BCAR3: variants seen among roughly 807,000 people sequenced by gnomAD.
The protein encoded by BCAR3 is BCAR3 adaptor protein, NSP family member.
A neutral mutation model predicts 80.1 loss-of-function variants in BCAR3; 37 were observed. That is an observed-to-expected ratio of 0.46 (90% CI 0.36 to 0.61). The LOEUF (loss-of-function observed/expected upper bound fraction) is 0.61, where lower values mean the gene tolerates loss of function less well. Ranked by LOEUF, BCAR3 falls within the 20% of genes least tolerant of loss-of-function variation. The pLI, the probability that BCAR3 is intolerant of heterozygous loss-of-function variation, is 0.00. For synonymous variants in BCAR3, 389 were observed against 418.9 expected (o/e 0.93, Z 0.87); for missense variants, 978 against 1,068.2 (o/e 0.92, Z 1.18).
chr1:93,776,553 T>C (rs1487040922), intron 2 of BCAR3, among the ~76,000 whole-genome samples: 1 of 152,230 alleles, frequency 6.6e-6, no homozygotes, highest in Non-Finnish European at 1.5e-5. Flanking sequence ...GTTACGTCTA[T>C]TATGTCCATT....
chr1:93,582,044 C>T (rs1465298757), intron 7 of BCAR3, among the ~76,000 whole-genome samples: 1 of 152,218 alleles, frequency 6.6e-6, no homozygotes, highest in Non-Finnish European at 1.5e-5. Flanking sequence ...CCTGCCATCC[C>T]TCTGTCTGAG....
intron 2 of BCAR3, among the ~76,000 whole-genome samples, chr1:93,715,832 G>A (rs1214091368): frequency 6.6e-6 from 1 of 152,200 alleles, no homozygotes; most frequent in African/African-American, 2.4e-5. Flanking sequence ...GATAAAAGCT[G>A]TAGGCTTGGC....
At chr1:93,700,415 C>T (rs935500222) in intron 3 of BCAR3, among the ~76,000 whole-genome samples, 9 of 152,264 alleles carry the variant, frequency 5.9e-5, no homozygotes, top group African/African-American at 1.4e-4. Context: ...GATCTGCCTG[C>T]CTCAGCCTTT....
At position 93,712,561 on chromosome 1, in the gene BCAR3, A is replaced by T. The variant is rs114938908; in HGVS notation, c.-62-6419T>A. On this transcript the variant is annotated intron_variant, in intron 2 of 13. Transcript: ENST00000370244. ...AGGTCCATGTAAACATACTCTTGACATTTCTTCTTTCCAGGTCAGCTGTCT... is the reference window on the plus strand; with the variant it reads ...AGGTCCATGTAAACATACTCTTGACTTTTCTTCTTTCCAGGTCAGCTGTCT... 2.3e-3 allele frequency among the ~76,000 whole-genome samples: 347 copies of T among 152,198 alleles called. 1 individual carries two copies. Among genetic ancestry groups the T allele is most frequent in the African/African-American group, 8.1e-3 (337 of 41,508 alleles).
chr1:93,648,066 G>A (rs772532292), intron 2 of BCAR3, among the ~76,000 whole-genome samples: 25 of 152,082 alleles, frequency 1.6e-4, no homozygotes, highest in Non-Finnish European at 3.1e-4. Flanking sequence ...GAGCCACCGC[G>A]CCTGGGTCCA....
At chr1:93,846,698 C>T (rs1380507185) in intron 1 of BCAR3, 10 of 343,936 alleles carry the variant, frequency 2.9e-5, no homozygotes, top group Non-Finnish European at 5.1e-5. Context: ...AGCGCTCCCA[C>T]GCGTGCTGAC....
At chr1:93,573,638 T>A (rs77864444) in intron 8 of BCAR3, among the ~76,000 whole-genome samples, 1 of 146,564 alleles carries the variant, frequency 6.8e-6, no homozygotes, top group African/African-American at 2.5e-5. Flanking sequence ...TTATTATTTT[T>A]TTTTTTTTGA....
chr1:93,635,347 C>T (rs1282851714), intron 3 of BCAR3, among the ~76,000 whole-genome samples: 2 of 150,998 alleles, frequency 1.3e-5, no homozygotes, highest in Admixed American at 6.6e-5. Context: ...TTGTCAATTA[C>T]GAATAATGTC....
intron 2 of BCAR3, among the ~76,000 whole-genome samples, chr1:93,797,781 C>T (rs1653334457): frequency 6.6e-6 from 1 of 152,116 alleles, no homozygotes; most frequent in Admixed American, 6.5e-5. Flanking sequence ...AAATGAGTTC[C>T]CTATTTCTAT....
chr1:93,598,204 A>T (rs78925475), intron 3 of BCAR3, among the ~76,000 whole-genome samples: 213 of 152,314 alleles, frequency 1.4e-3, no homozygotes, highest in African/African-American at 5.0e-3. Flanking sequence ...CAAATCAGGC[A>T]CAACAATGGA....
At chr1:93,763,798 G>T (rs1008926762) in intron 2 of BCAR3, among the ~76,000 whole-genome samples, 1 of 152,156 alleles carries the variant, frequency 6.6e-6, no homozygotes, top group Non-Finnish European at 1.5e-5. Context: ...TGCAGCATTT[G>T]CCAACCTCCA....
intron 2 of BCAR3, among the ~76,000 whole-genome samples, chr1:93,747,949 A>G (rs988119080): frequency 6.8e-6 from 1 of 147,704 alleles, no homozygotes; most frequent in Non-Finnish European, 1.5e-5. Context: ...ATGACCCATC[A>G]AGTGCCTCTG....
chr1:93,736,256 C>T (rs1243314933), intron 2 of BCAR3, among the ~76,000 whole-genome samples: 3 of 152,166 alleles, frequency 2.0e-5, no homozygotes, highest in African/African-American at 4.8e-5. Flanking sequence ...GGCGCGATCT[C>T]GGCTTACTGC....
intron 3 of BCAR3, among the ~76,000 whole-genome samples, chr1:93,701,243 C>G (rs1649628660): frequency 6.6e-6 from 1 of 152,206 alleles, no homozygotes; most frequent in South Asian, 2.1e-4. Context: ...TCCCCACTTG[C>G]CTTGAAGGGA....
At chr1:93,632,373 C>T (rs541429339) in intron 3 of BCAR3, among the ~76,000 whole-genome samples, 4 of 152,296 alleles carry the variant, frequency 2.6e-5, no homozygotes, top group Admixed American at 6.5e-5. Context: ...TTCAACTTTA[C>T]GACGGTGCTG....
chr1:93,805,834 C>T (rs1653636565), intron 2 of BCAR3, among the ~76,000 whole-genome samples: 1 of 151,916 alleles, frequency 6.6e-6, no homozygotes, highest in Non-Finnish European at 1.5e-5. Context: ...AACAAATGAA[C>T]AAAAACTTCT....
At position 93,814,883 on chromosome 1, in the gene BCAR3, G is replaced by A. The variant is rs77488943; in HGVS notation, c.-63+30684C>T. Among the ~76,000 whole-genome samples the A allele has an allele frequency of 8.4e-3, 1,279 of 152,344 alleles. 9 individuals carry two copies. Among genetic ancestry groups the A allele is most frequent in the Non-Finnish European group, 0.013 (910 of 68,034 alleles). ...CAGGGATTCTGTCTTAAAAGACGGA[G>A]TGCAAACTCCGCTCCTACCTAGACT... On this transcript the variant is annotated intron_variant, in intron 2 of 13. Transcript: ENST00000370244.
At chr1:93,576,886 G>GGCT (rs1226224861) in intron 7 of BCAR3, among the ~76,000 whole-genome samples, 2 of 152,226 alleles carry the variant, frequency 1.3e-5, no homozygotes, top group Non-Finnish European at 2.9e-5. Flanking sequence ...CAGGCAAGGT[G>GGCT]GCTTATGCCT....
At chr1:93,588,634 C>T (rs543165208) in intron 5 of BCAR3, among the ~76,000 whole-genome samples, 117 of 152,240 alleles carry the variant, frequency 7.7e-4, no homozygotes, top group African/African-American at 2.6e-3. Flanking sequence ...TTTCTGTCCC[C>T]ACACTTATGC....
Sources: allele counts gnomAD v4.1 joint callset (sites outside exome capture counted in the v4.1 genomes callset), GRCh38; gene constraint gnomAD v4.1.1; transcripts MANE v1.5; gene names NCBI Gene and HGNC (gene_info 2026-07-23, HGNC 2026-07-21).